Variants in ERICH5 observed in about 807,000 individuals in gnomAD.
The protein encoded by ERICH5 is glutamate rich 5.
A neutral mutation model predicts 28.0 loss-of-function variants in ERICH5; 24 were observed. The observed-to-expected ratio is 0.86, with a 90% CI of 0.62 to 1.21. The LOEUF (loss-of-function observed/expected upper bound fraction) is 1.21. Ranked by LOEUF, ERICH5 falls within the 50% of genes most tolerant of loss-of-function variation. The pLI is 0.00. For missense variants in ERICH5, 421 were observed against 441.2 expected (o/e 0.95, Z 0.41); for synonymous variants, 163 against 157.6 (o/e 1.03, Z -0.25).
intron 1 of ERICH5, among the ~76,000 whole-genome samples, chr8:98,073,519 T>C (rs1586199545): frequency 1.2e-4 from 1 of 8,672 alleles, no homozygotes; most frequent in African/African-American, 4.7e-4. Context: ...TATATATGTA[T>C]ATATATATAT....
rs1815438953 is a variant in ERICH5, at chr8:98,093,220, G to A, written c.1013-1G>A. 1.2e-6 allele frequency: 2 copies of A among 1,605,870 alleles called. No individual in the cohort carries two copies. Among genetic ancestry groups the A allele is most frequent in the Non-Finnish European group, 1.7e-6 (2 of 1,173,746 alleles). On this transcript the variant is annotated splice_acceptor_variant, in intron 2 of 2. Transcript: ENST00000318528. LOFTEE classifies it high-confidence loss of function. ...AGTATCTCCTTTGGTTACTTTTCCA[G>A]GTGAGACAGGGGAAAAGGTGGAAAC... is the stretch of plus-strand genomic sequence containing the variant.
chr8:98,064,739 A>C lies in ERICH5; in HGVS notation c.58+12A>C. The C allele has an allele frequency of 6.6e-7, 1 of 1,524,818 alleles. No individual in the cohort carries two copies. The highest frequency in any genetic ancestry group is 1.2e-5 in the South Asian group (1 of 82,842). The allele number at this position is 1,524,818 out of a possible 1,614,324, so 94.5% of individuals were successfully genotyped here. A position where few individuals can be genotyped will look rare whatever the true frequency, so the allele number is the denominator to read the frequency against. On this transcript the variant is annotated intron_variant, in intron 1 of 2. Coordinates refer to ENST00000318528, the MANE Select transcript of ERICH5 (RefSeq NM_173549.3). ...CAGGTTCCCCAGCGGTGAGCAGGGT[A>C]CCGGCGCCGCCCGCGCCCGGGCTGG...
In ERICH5 at chr8:98,064,745, G is replaced by C. The variant is rs1814788883; in HGVS notation, c.58+18G>C. 1 of 1,522,604 alleles carries C rather than the reference G, an allele frequency of 6.6e-7. No individual in the cohort carries two copies. Among genetic ancestry groups the C allele is most frequent in the African/African-American group, 1.4e-5 (1 of 72,580 alleles). The allele number at this position is 1,522,604 out of a possible 1,614,324, so 94.3% of individuals were successfully genotyped here. On this transcript the variant is annotated intron_variant, in intron 1 of 2. Coordinates refer to ENST00000318528, the MANE Select transcript of ERICH5 (RefSeq NM_173549.3). ...CCCCAGCGGTGAGCAGGGTACCGGCGCCGCCCGCGCCCGGGCTGGGGACTC... is the reference window on the plus strand; with the variant it reads ...CCCCAGCGGTGAGCAGGGTACCGGCCCCGCCCGCGCCCGGGCTGGGGACTC...
chr8:98,068,939 A>G (rs921661417), intron 1 of ERICH5, among the ~76,000 whole-genome samples: 1 of 152,176 alleles, frequency 6.6e-6, no homozygotes, highest in African/African-American at 2.4e-5. Flanking sequence ...TGAATTTCAC[A>G]GTTATGTGAA....
At chr8:98,093,117 A>T in intron 2 of ERICH5, 104 bp from the exon 3 acceptor site, 1 of 721,872 alleles carries the variant, frequency 1.4e-6, no homozygotes, top group South Asian at 1.9e-5. Flanking sequence ...CTTACTGCTT[A>T]GACCTGAAGA....
rs753862086 is a variant in ERICH5 at position 98,089,588 on chromosome 8, A to C, written c.571A>C (p.Thr191Pro). 5 of 1,614,108 alleles carry C rather than the reference A, an allele frequency of 3.1e-6. No individual in the cohort carries two copies. The Admixed American group carries it at 8.3e-5, about 27-fold the overall frequency. Residue 191 changes from threonine (T) to proline (P), a missense_variant, in exon 2 of 3, where the codon ACT becomes CCT. Thr to Pro is a conservative substitution (Grantham distance 38, BLOSUM62 -1). Transcript: ENST00000318528. ...TAAEMKPLGT[T>P]ENVLTLQIAG... ...TGCAGAGATGAAGCCTCTAGGAACA[A>C]CTGAGAACGTTCTGACTCTGCAAAT... is the stretch of plus-strand genomic sequence containing the variant.
intron 2 of ERICH5, among the ~76,000 whole-genome samples, chr8:98,091,096 C>T (rs1024986843): frequency 6.6e-6 from 1 of 152,114 alleles, no homozygotes; most frequent in African/African-American, 2.4e-5. Flanking sequence ...CACCACCATG[C>T]CCGGCTAGTT....
Position 98,089,340 on chromosome 8 carries a change from A to G in ERICH5, c.323A>G (p.Glu108Gly), listed in dbSNP as rs1406864056. The change falls in exon 2 of 3, where the codon GAG becomes GGG. Residue 108 changes from glutamate to glycine, a missense_variant. Coordinates refer to ENST00000318528, the MANE Select transcript of ERICH5 (RefSeq NM_173549.3). ...SGSTEKTQPG[E>G]GLEESGPPQP... ...TCCACAGAAAAGACTCAGCCTGGAG[A>G]GGGACTGGAGGAATCTGGGCCGCCT... 1.2e-6 allele frequency: 2 copies of G among 1,614,238 alleles called. No individual in the cohort carries two copies. Among genetic ancestry groups the G allele is most frequent in the South Asian group, 2.2e-5 (2 of 91,080 alleles).
rs1390584823 is a variant in ERICH5 at position 98,089,891 on chromosome 8, G to A, written c.874G>A (p.Gly292Ser). Reference protein sequence around the residue: ...MNDPFHKTPEGPGNMEQIQPE... With the variant: ...MNDPFHKTPESPGNMEQIQPE... Reference sequence around the variant, plus strand: ...TGATCCATTCCATAAAACTCCTGAAGGTCCAGGAAACATGGAGCAGATTCA... The same window carrying A: ...TGATCCATTCCATAAAACTCCTGAAAGTCCAGGAAACATGGAGCAGATTCA... The change falls in exon 2 of 3, where the codon GGT (glycine) becomes AGT (serine). Residue 292 changes from glycine to serine, a missense_variant. Physicochemically the swap from Gly to Ser is moderately conservative, Grantham distance 56. Transcript: ENST00000318528. 1.9e-6 allele frequency: 3 copies of A among 1,614,152 alleles called. No individual in the cohort carries two copies. The highest frequency in any genetic ancestry group is 2.5e-6 in the Non-Finnish European group (3 of 1,180,022).
At chr8:98,090,949 A>G (rs1183099090) in intron 2 of ERICH5, among the ~76,000 whole-genome samples, 2 of 151,658 alleles carry the variant, frequency 1.3e-5, no homozygotes, top group African/African-American at 4.8e-5. Context: ...TAATTTATTT[A>G]TTTTTTGAGA....
chr8:98,064,572 C>A lies in ERICH5; in HGVS notation c.-98C>A. The A allele has an allele frequency of 1.8e-6, 2 of 1,081,468 alleles. No homozygotes were observed. The highest frequency in any genetic ancestry group is 2.6e-6 in the Non-Finnish European group (2 of 778,214). The allele number at this position is 1,081,468 out of a possible 1,614,324, so 67.0% of individuals were successfully genotyped here. On this transcript the variant is annotated 5_prime_UTR_variant, in exon 1 of 3. It adds an upstream start codon to the 5' untranslated region. Transcript: ENST00000318528. ...CGCCCAAGGGAGCCGGGCTGCAGAGCTGGAGAAACTTCCGCGGCTACGGGT... is the reference window on the plus strand; with the variant it reads ...CGCCCAAGGGAGCCGGGCTGCAGAGATGGAGAAACTTCCGCGGCTACGGGT...
chr8:98,070,660 C>CAAAAAAAAAAATAAAAAAAAAAAAAAAA (rs1814897417), intron 1 of ERICH5, among the ~76,000 whole-genome samples: 1 of 38,758 alleles, frequency 2.6e-5, no homozygotes, highest in African/African-American at 9.0e-5. Context: ...AACTGCATCT[C>CAAAAAAAAAAATAAAAAAAAAAAAAAAA]AAAAAAAAAA....
chr8:98,065,465 T>C (rs545211627), intron 1 of ERICH5, among the ~76,000 whole-genome samples: 2 of 152,268 alleles, frequency 1.3e-5, no homozygotes, highest in Non-Finnish European at 2.9e-5. Flanking sequence ...AACAAGGACA[T>C]TTTGAGCATC....
chr8:98,086,285 G>A (rs527550130), intron 1 of ERICH5, among the ~76,000 whole-genome samples: 199 of 152,274 alleles, frequency 1.3e-3, no homozygotes, highest in African/African-American at 4.6e-3. Context: ...AATTTGATTA[G>A]CAGTAGAGAA....
chr8:98,064,594 G>T lies in ERICH5; in HGVS notation c.-76G>T. 1.6e-6 allele frequency: 2 copies of T among 1,277,982 alleles called. No homozygotes were observed. The highest frequency in any genetic ancestry group is 2.1e-6 in the Non-Finnish European group (2 of 944,060). The allele number at this position is 1,277,982 out of a possible 1,614,324, so 79.2% of individuals were successfully genotyped here. A position where few individuals can be genotyped will look rare whatever the true frequency, so the allele number is the denominator to read the frequency against. ...GAGCTGGAGAAACTTCCGCGGCTAC[G>T]GGTGCAGTTGCCTTCGGTTCCCGGT... On this transcript the variant is annotated 5_prime_UTR_variant, in exon 1 of 3. Coordinates refer to ENST00000318528, the MANE Select transcript of ERICH5 (RefSeq NM_173549.3).
At chr8:98,084,053 A>T (rs1586205012) in intron 1 of ERICH5, among the ~76,000 whole-genome samples, 1 of 139,582 alleles carries the variant, frequency 7.2e-6, no homozygotes, top group African/African-American at 2.6e-5. Flanking sequence ...GCTAATTTTA[A>T]TTTTTTTTTT....
chr8:98,086,394 G>C (rs1815280052), intron 1 of ERICH5, among the ~76,000 whole-genome samples: 1 of 152,156 alleles, frequency 6.6e-6, no homozygotes, highest in Non-Finnish European at 1.5e-5. Context: ...AGATTAAATT[G>C]ATAGGCTGTT....
intron 1 of ERICH5, among the ~76,000 whole-genome samples, chr8:98,080,749 C>A (rs948550127): frequency 6.8e-6 from 1 of 146,914 alleles, no homozygotes; most frequent in Admixed American, 7.0e-5. Flanking sequence ...GTTGCCCAGG[C>A]TGGAGTGCAC....
intron 1 of ERICH5, among the ~76,000 whole-genome samples, chr8:98,082,922 A>G (rs1477205151): frequency 6.6e-6 from 1 of 152,232 alleles, no homozygotes; most frequent in African/African-American, 2.4e-5. Context: ...TCATGGGTAT[A>G]AATATTATAG....
Sources: gnomAD v4.1 joint callset for allele counts (sites outside exome capture counted in the v4.1 genomes callset) on GRCh38, gnomAD v4.1.1 for gene constraint, MANE v1.5 for transcripts, NCBI Gene and HGNC (gene_info 2026-07-23, HGNC 2026-07-21) for gene names.